The following FRMD4A variants were observed in gnomAD, a reference collection of about 807,000 sequenced individuals.
FRMD4A encodes the protein FERM domain-containing protein 4A.
In FRMD4A, 29 loss-of-function variants were observed where a neutral mutation model predicts 129.1. The observed-to-expected ratio is 0.22, with a 90% CI of 0.17 to 0.31. The LOEUF is 0.31. FRMD4A is among the 10% of genes least tolerant of loss of function. The pLI, the probability that FRMD4A is intolerant of heterozygous loss-of-function variation, is 1.00. For missense variants in FRMD4A, 1,272 were observed against 1,375.8 expected, an observed-to-expected ratio of 0.92 and a Z score of 1.19; for synonymous variants, 634 against 571.6, an observed-to-expected ratio of 1.11 and a Z score of -1.56.
At chr10:13,660,085 C>CG (rs1461772760) in intron 20 of FRMD4A, among the ~76,000 whole-genome samples, 1 of 152,232 alleles carries the variant, frequency 6.6e-6, no homozygotes, top group Non-Finnish European at 1.5e-5. Context: ...AACCATCTGC[C>CG]ATCACGTTGA....
chr10:14,157,441 A>T (rs1840658320), intron 2 of FRMD4A, among the ~76,000 whole-genome samples: 1 of 152,218 alleles, frequency 6.6e-6, no homozygotes. Flanking sequence ...TGGCAGCCAA[A>T]TATCCCTTAG....
At chr10:14,088,472 G>A (rs1836431954) in intron 2 of FRMD4A, among the ~76,000 whole-genome samples, 1 of 148,512 alleles carries the variant, frequency 6.7e-6, no homozygotes. Context: ...AAGGAACGAC[G>A]AATCAGGCCA....
At chr10:13,967,977 C>T (rs752925909) in intron 2 of FRMD4A, among the ~76,000 whole-genome samples, 13 of 152,112 alleles carry the variant, frequency 8.5e-5, no homozygotes, top group East Asian at 1.9e-4. Flanking sequence ...CCCAGGAGGT[C>T]GGGGCTGCAG....
At chr10:13,978,329 G>A (rs1028620916) in intron 2 of FRMD4A, among the ~76,000 whole-genome samples, 1 of 152,184 alleles carries the variant, frequency 6.6e-6, no homozygotes, top group Non-Finnish European at 1.5e-5. Context: ...GCAGCAGATG[G>A]AATCTGGGGA....
chr10:13,859,035 A>G lies in FRMD4A; in HGVS notation c.46-123T>C. ...GGCAAAACTTCCTCTGGGAGTCGGCACTGTATAATGCCAGGAGTTGGAAGG... is the reference window on the plus strand; with the variant it reads ...GGCAAAACTTCCTCTGGGAGTCGGCGCTGTATAATGCCAGGAGTTGGAAGG... On this transcript the variant is annotated intron_variant, in intron 2 of 24. Transcript: ENST00000357447. 4.2e-6 allele frequency: 3 copies of G among 722,554 alleles called. No individual in the cohort carries two copies. The South Asian group carries it at 4.4e-5, about 11-fold the overall frequency. The allele number at this position is 722,554 out of a possible 1,614,324, so 44.8% of individuals were successfully genotyped here. A position where few individuals can be genotyped will look rare whatever the true frequency, so the allele number is the denominator to read the frequency against.
chr10:14,224,703 C>A (rs1469489014), intron 2 of FRMD4A, among the ~76,000 whole-genome samples: 1 of 152,132 alleles, frequency 6.6e-6, no homozygotes, highest in African/African-American at 2.4e-5. Flanking sequence ...GAGAAGGAAG[C>A]TTAAAAGAGT....
At chr10:13,673,852 T>C (rs1412657399) in intron 16 of FRMD4A, among the ~76,000 whole-genome samples, 1 of 144,388 alleles carries the variant, frequency 6.9e-6, no homozygotes, top group Non-Finnish European at 1.5e-5. Context: ...CACTGCTCAC[T>C]GCAGTCTCAA....
intron 14 of FRMD4A, among the ~76,000 whole-genome samples, chr10:13,695,733 G>A (rs540253975): frequency 3.5e-4 from 53 of 152,228 alleles, no homozygotes; most frequent in Non-Finnish European, 6.8e-4. Flanking sequence ...TGGAACCCAA[G>A]GTCTTTCCCA....
At chr10:14,282,259 T>C (rs1033972613) in intron 2 of FRMD4A, among the ~76,000 whole-genome samples, 23 of 152,082 alleles carry the variant, frequency 1.5e-4, no homozygotes, top group African/African-American at 4.8e-4. Flanking sequence ...CCAAAGCATA[T>C]CAATATCCAT....
intron 2 of FRMD4A, among the ~76,000 whole-genome samples, chr10:14,170,828 C>T (rs375333099): frequency 6.7e-6 from 1 of 149,998 alleles, no homozygotes; most frequent in Non-Finnish European, 1.5e-5. Context: ...TTCTCCCCGT[C>T]CTCTCCTCTC....
At chr10:14,158,791 GGAA>G (rs1367392912) in intron 2 of FRMD4A, among the ~76,000 whole-genome samples, 2 of 147,700 alleles carry the variant, frequency 1.4e-5, no homozygotes, top group African/African-American at 5.0e-5. Context: ...AGGAGCAGGA[GGAA>G]GAAGAGAAGA....
chr10:13,863,626 A>G (rs2094323261), intron 2 of FRMD4A, among the ~76,000 whole-genome samples: 1 of 152,038 alleles, frequency 6.6e-6, no homozygotes, highest in Non-Finnish European at 1.5e-5. Context: ...TACGTATCCT[A>G]ATTGTCATGC....
At chr10:14,134,226 T>C in intron 2 of FRMD4A, among the ~76,000 whole-genome samples, 1 of 150,930 alleles carries the variant, frequency 6.6e-6, no homozygotes. Context: ...CTTGAAATCT[T>C]TTTGGAATGA....
At chr10:13,771,762 T>C (rs1197796666) in intron 6 of FRMD4A, among the ~76,000 whole-genome samples, 1 of 151,994 alleles carries the variant, frequency 6.6e-6, no homozygotes, top group East Asian at 1.9e-4. Flanking sequence ...GAAGCATAAT[T>C]GAAATGTGAT....
At chr10:13,904,019 C>T (rs958917991) in intron 2 of FRMD4A, among the ~76,000 whole-genome samples, 4 of 152,176 alleles carry the variant, frequency 2.6e-5, no homozygotes, top group South Asian at 2.1e-4. Flanking sequence ...GAAATATAAT[C>T]GTGTCGCTCC....
chr10:13,658,881 C>CAAAAAAAAA (rs60536121), intron 21 of FRMD4A, among the ~76,000 whole-genome samples: 1 of 75,196 alleles, frequency 1.3e-5, no homozygotes, highest in Non-Finnish European at 3.3e-5. Context: ...GACTCCATCT[C>CAAAAAAAAA]AAAAAAAAAA....
rs2091502310 is a variant in FRMD4A at position 13,750,069 on chromosome 10, G to GAAAGAAAGA, written c.465-2251_465-2250insTCTTTCTTT. Among the ~76,000 whole-genome samples, 63 of 55,652 alleles carry GAAAGAAAGA rather than the reference G, an allele frequency of 1.1e-3. 1 individual carries two copies. The highest frequency in any genetic ancestry group is 2.9e-3 in the African/African-American group (46 of 15,896). 36.5% of individuals were successfully genotyped at this position (55,652 alleles called of 152,430 possible). A position where few individuals can be genotyped will look rare whatever the true frequency, so the allele number is the denominator to read the frequency against. ...GAAAGGAAGGAAGGAAGGAAGGAAG[G>GAAAGAAAGA]AAGAAAGAAAGAAAGAAAGAAAGAA... On this transcript the variant is annotated intron_variant, in intron 8 of 24. Coordinates refer to ENST00000357447, the MANE Select transcript of FRMD4A (RefSeq NM_018027.5).
intron 2 of FRMD4A, among the ~76,000 whole-genome samples, chr10:13,914,106 C>G (rs553682293): frequency 6.6e-6 from 1 of 152,196 alleles, no homozygotes; most frequent in East Asian, 1.9e-4. Context: ...AAGAGGAAGG[C>G]GCGGGCAGAT....
intron 2 of FRMD4A, among the ~76,000 whole-genome samples, chr10:14,031,115 C>T (rs1373894430): frequency 3.3e-5 from 5 of 152,170 alleles, no homozygotes; most frequent in African/African-American, 4.8e-5. Flanking sequence ...GCAGGGATTC[C>T]GAGGTCGCCA....
Sources: gnomAD v4.1 joint callset for allele counts (sites outside exome capture counted in the v4.1 genomes callset) on GRCh38, gnomAD v4.1.1 for gene constraint, MANE v1.5 for transcripts, NCBI Gene and HGNC (gene_info 2026-07-23, HGNC 2026-07-21) for gene names.